Variants in VPS50 observed in about 807,000 individuals in gnomAD.
VPS50 encodes the protein syndetin.
VPS50 carries 70 observed loss-of-function variants against 139.7 expected under a neutral mutation model. That is an observed-to-expected ratio of 0.50 (90% CI 0.41 to 0.61). VPS50 has a LOEUF of 0.61. Ranked by LOEUF, VPS50 falls within the 20% of genes least tolerant of loss-of-function variation. The pLI, the probability that VPS50 is intolerant of heterozygous loss-of-function variation, is 0.00. For synonymous variants in VPS50, 365 were observed against 376.7 expected, an observed-to-expected ratio of 0.97 and a Z score of 0.36; for missense variants, 921 against 1,133.7, an observed-to-expected ratio of 0.81 and a Z score of 2.69.
intron 25 of VPS50, among the ~76,000 whole-genome samples, chr7:93,353,250 C>T (rs569232110): frequency 5.2e-4 from 79 of 152,238 alleles, no homozygotes; most frequent in South Asian, 1.7e-3. Context: ...CTGAACTGAA[C>T]GCATGTCAAA....
intron 4 of VPS50, 187 bp from the exon 5 acceptor site, chr7:93,256,322 A>G: frequency 2.5e-6 from 1 of 396,452 alleles, no homozygotes; most frequent in Non-Finnish European, 4.5e-6. Flanking sequence ...TATGTGCTTT[A>G]TTATATTACC....
rs1238554880 is a variant in VPS50, at chr7:93,237,281, G to T, written c.34-2585G>T. On this transcript the variant is annotated intron_variant, in intron 1 of 27. Coordinates refer to ENST00000305866, the MANE Select transcript of VPS50 (RefSeq NM_017667.4). Reference sequence around the variant, plus strand: ...TGTTTTACTTCTTATAATAGCCTATGAATGATCATAGAATATAATGCACAG... The same window carrying T: ...TGTTTTACTTCTTATAATAGCCTATTAATGATCATAGAATATAATGCACAG... Among the ~76,000 whole-genome samples the T allele has an allele frequency of 1.3e-5, 2 of 152,060 alleles. 1 individual carries two copies. The highest frequency in any genetic ancestry group is 4.8e-5 in the African/African-American group (2 of 41,386).
At chr7:93,235,045 T>C (rs1014038389) in intron 1 of VPS50, among the ~76,000 whole-genome samples, 3 of 152,110 alleles carry the variant, frequency 2.0e-5, no homozygotes, top group Non-Finnish European at 2.9e-5. Context: ...AGGTCACTTA[T>C]AATTTTAGAT....
chr7:93,280,801 C>G (rs1049713091), intron 12 of VPS50, among the ~76,000 whole-genome samples: 1 of 151,954 alleles, frequency 6.6e-6, no homozygotes, highest in Non-Finnish European at 1.5e-5. Flanking sequence ...TAAAATTGTT[C>G]ATTTCCAAAT....
intron 13 of VPS50, 108 bp downstream of exon 13, chr7:93,291,943 T>G (rs552988101): frequency 2.9e-6 from 2 of 686,730 alleles, no homozygotes; most frequent in East Asian, 5.6e-5. Context: ...TTTCAAAGAT[T>G]ACAGTGACCA....
intron 2 of VPS50, among the ~76,000 whole-genome samples, chr7:93,242,178 A>G (rs1349378688): frequency 6.6e-6 from 1 of 151,818 alleles, no homozygotes; most frequent in Admixed American, 6.6e-5. Context: ...TTGAGTTTCT[A>G]TGTGCTAGAG....
chr7:93,340,404 C>T (rs4729080), intron 22 of VPS50, among the ~76,000 whole-genome samples: 31,712 of 152,032 alleles, frequency 0.21, 3,819 homozygotes, highest in East Asian at 0.35. Flanking sequence ...GCATCTTTAC[C>T]CATGATCTCA....
intron 20 of VPS50, among the ~76,000 whole-genome samples, chr7:93,314,412 A>G (rs770499802): frequency 6.6e-6 from 1 of 152,194 alleles, no homozygotes; most frequent in Non-Finnish European, 1.5e-5. Context: ...GCTTTGCACT[A>G]GTGGAGAGGA....
At chr7:93,263,437 T>A (rs1002344165) in intron 9 of VPS50, among the ~76,000 whole-genome samples, 12 of 152,364 alleles carry the variant, frequency 7.9e-5, no homozygotes, top group African/African-American at 2.4e-4. Context: ...TGAATTCTGA[T>A]GTGATTTTTA....
chr7:93,250,297 C>T (rs185509229), intron 2 of VPS50, among the ~76,000 whole-genome samples: 2 of 152,050 alleles, frequency 1.3e-5, no homozygotes, highest in Admixed American at 1.3e-4. Context: ...TTTACAAATA[C>T]AAAATATAAG....
At chr7:93,327,324 C>T (rs1351843610) in intron 21 of VPS50, among the ~76,000 whole-genome samples, 1 of 152,102 alleles carries the variant, frequency 6.6e-6, no homozygotes, top group Non-Finnish European at 1.5e-5. Flanking sequence ...TGACTACTAT[C>T]ATATGGGACA....
intron 23 of VPS50, among the ~76,000 whole-genome samples, chr7:93,344,324 C>G (rs1469237949): frequency 6.6e-6 from 1 of 152,188 alleles, no homozygotes; most frequent in African/African-American, 2.4e-5. Context: ...CACCCAGATG[C>G]ATAAAGCAAG....
chr7:93,353,745 C>CTT lies in VPS50; in HGVS notation c.2569_2570insTT (p.Arg857LeufsTer5). ...GGAACATTGTATACGATTGGCTAAT[C>CTT]GAACTATTGTAGAAGGGTAAGTTTT... On this transcript the variant is annotated frameshift_variant, in exon 26 of 28. Transcript: ENST00000305866. LOFTEE classifies it high-confidence loss of function. 6.2e-7 allele frequency: 1 copy of CTT among 1,607,750 alleles called. No individual in the cohort carries two copies. Among genetic ancestry groups the CTT allele is most frequent in the Non-Finnish European group, 8.5e-7 (1 of 1,176,690 alleles).
chr7:93,322,754 A>AGAT (rs151130879), intron 20 of VPS50, among the ~76,000 whole-genome samples: 2,559 of 152,282 alleles, frequency 0.017, 84 homozygotes, highest in African/African-American at 0.058. Context: ...ATTTTTTAAT[A>AGAT]GATATGCTTC....
chr7:93,242,170 G>C (rs1341180141), intron 2 of VPS50, among the ~76,000 whole-genome samples: 3 of 151,732 alleles, frequency 2.0e-5, no homozygotes, highest in African/African-American at 7.2e-5. Context: ...CAAATTTATT[G>C]AGTTTCTATG....
Position 93,356,030 on chromosome 7 carries a change from G to C in VPS50, c.2725G>C (p.Ala909Pro). The C allele has an allele frequency of 6.4e-7, 1 of 1,560,970 alleles. No individual in the cohort carries two copies. Among genetic ancestry groups the C allele is most frequent in the South Asian group, 1.2e-5 (1 of 84,800 alleles). ...AGAATTTGTAGAAACTTATATTAAA[G>C]CTTATTACCTAACTGAGAATGACAT... ...DKEFVETYIK[A>P]YYLTENDMER... Residue 909 changes from alanine to proline, a missense_variant, in exon 27 of 28, where the codon GCT becomes CCT. Around this residue, in one of 3 missense-constraint regions of VPS50, gnomAD observed 158 missense variants for 156.3 expected, o/e 1.01. Coordinates refer to ENST00000305866, the MANE Select transcript of VPS50 (RefSeq NM_017667.4).
intron 24 of VPS50, among the ~76,000 whole-genome samples, chr7:93,349,464 C>T (rs1413376696): frequency 6.6e-6 from 1 of 151,994 alleles, no homozygotes; most frequent in African/African-American, 2.4e-5. Context: ...TTTCTGGGGG[C>T]ATTGTGGAAG....
In VPS50 at chr7:93,348,879, G is replaced by T. The variant is rs568125951; in HGVS notation, c.2304+72G>T. On this transcript the variant is annotated intron_variant, in intron 24 of 27. Transcript: ENST00000305866. Reference sequence around the variant, plus strand: ...CTGTCACAGATTATTTAGATTTTTTGTTGTTTTTTTTAACTGGAAGTCAGT... The same window carrying T: ...CTGTCACAGATTATTTAGATTTTTTTTTGTTTTTTTTAACTGGAAGTCAGT... 54 of 1,114,326 alleles carry T rather than the reference G, an allele frequency of 4.8e-5. No individual in the cohort carries two copies. In the East Asian group the frequency reaches 1.3e-3, roughly 26 times the overall value. 69.0% of individuals were successfully genotyped at this position (1,114,326 alleles called of 1,614,324 possible).
intron 12 of VPS50, among the ~76,000 whole-genome samples, chr7:93,287,590 G>GA (rs1796528647): frequency 6.6e-6 from 1 of 151,884 alleles, no homozygotes; most frequent in African/African-American, 2.4e-5. Context: ...TTTTCTTTGG[G>GA]AAAAAATATG....
Sources: gnomAD v4.1 joint callset for allele counts (sites outside exome capture counted in the v4.1 genomes callset) on GRCh38, gnomAD v4.1.1 for gene constraint, gnomAD v4.1.1 regional missense constraint, MANE v1.5 for transcripts, NCBI Gene and HGNC (gene_info 2026-07-23, HGNC 2026-07-21) for gene names.